The following IQCH variants were observed in gnomAD, a reference collection of about 807,000 sequenced individuals.
IQCH encodes the protein IQ domain-containing protein H.
Under a neutral mutation model 117.0 loss-of-function variants are expected in IQCH, and 98 were observed. The observed-to-expected ratio is 0.84, with a 90% CI of 0.71 to 0.99. The LOEUF (loss-of-function observed/expected upper bound fraction) is 0.99, where lower values mean the gene tolerates loss of function less well. Among genes scored for constraint, IQCH ranks in the 50% least tolerant of loss-of-function variants. The probability of loss-of-function intolerance (pLI) is 0.00; values close to 1 mark genes in which losing one functional copy is unlikely to be tolerated. For synonymous variants in IQCH, 412 were observed against 448.2 expected (o/e 0.92, Z 1.02); for missense variants, 1,102 against 1,243.8 (o/e 0.89, Z 1.72).
At chr15:67,309,988 A>C (rs1030779102) in intron 4 of IQCH, among the ~76,000 whole-genome samples, 2 of 151,302 alleles carry the variant, frequency 1.3e-5, no homozygotes, top group African/African-American at 4.9e-5. Context: ...TAAGGTTCTT[A>C]CCTTCCTGAA....
At chr15:67,353,335 CTTTATTTT>C (rs1969747074) in intron 6 of IQCH, among the ~76,000 whole-genome samples, 1 of 145,624 alleles carries the variant, frequency 6.9e-6, no homozygotes, top group Non-Finnish European at 1.5e-5. Flanking sequence ...AAATTGGCTT[CTTTATTTT>C]TTTATTTTAT....
chr15:67,485,594 A>T (rs2083451224), intron 18 of IQCH, among the ~76,000 whole-genome samples: 1 of 152,260 alleles, frequency 6.6e-6, no homozygotes, highest in African/African-American at 2.4e-5. Flanking sequence ...GATAAATATA[A>T]GGAAAATCAC....
chr15:67,352,671 T>C lies in IQCH; in HGVS notation c.638-4674T>C, dbSNP rs1022449980. On this transcript the variant is annotated intron_variant, in intron 6 of 20. Coordinates refer to ENST00000335894, the MANE Select transcript of IQCH (RefSeq NM_001031715.3). ...AGTCAGTGGTAGATAGTGGCTAAAA[T>C]TGTGGATGAAAACAATTTGTCTTTT... 2.6e-5 allele frequency among the ~76,000 whole-genome samples: 4 copies of C among 151,914 alleles called. No individual in the cohort carries two copies. The Admixed American group carries it at 2.6e-4, about 10-fold the overall frequency.
intron 3 of IQCH, among the ~76,000 whole-genome samples, chr15:67,267,964 T>G (rs1262714150): frequency 6.6e-6 from 1 of 152,182 alleles, no homozygotes; most frequent in East Asian, 1.9e-4. Flanking sequence ...AAGGACTTTC[T>G]TTAAACTTAC....
chr15:67,293,419 A>AGT (rs1966818784), intron 4 of IQCH, among the ~76,000 whole-genome samples: 1 of 152,196 alleles, frequency 6.6e-6, no homozygotes, highest in South Asian at 2.1e-4. Context: ...GATATAAAAT[A>AGT]GTGTAATATT....
intron 20 of IQCH, among the ~76,000 whole-genome samples, chr15:67,498,413 C>T (rs1035452492): frequency 5.9e-5 from 9 of 151,544 alleles, no homozygotes; most frequent in South Asian, 2.1e-4. Context: ...GTCAGGAGTT[C>T]GAGACCAGCC....
chr15:67,332,502 C>A (rs1244421213), intron 4 of IQCH, among the ~76,000 whole-genome samples: 1 of 152,028 alleles, frequency 6.6e-6, no homozygotes, highest in Non-Finnish European at 1.5e-5. Context: ...ACTTGATAAC[C>A]AAAGCTAGCC....
Position 67,391,839 on chromosome 15 carries a change from A to G in IQCH, c.1632+2833A>G, listed in dbSNP as rs1596302781. 6.6e-6 allele frequency among the ~76,000 whole-genome samples: 1 copy of G among 152,226 alleles called. No individual in the cohort carries two copies. The highest frequency in any genetic ancestry group is 1.9e-4 in the East Asian group (1 of 5,204). Reference sequence around the variant, plus strand: ...CCTGGAGTCTAGGGCATGCCCGCAGATGACTATAATACAGAGTTGGGTAGA... The same window carrying G: ...CCTGGAGTCTAGGGCATGCCCGCAGGTGACTATAATACAGAGTTGGGTAGA... On this transcript the variant is annotated intron_variant, in intron 12 of 20. Transcript: ENST00000335894. This position sits in a 1 kb window ranked among gnomAD's most constrained non-coding sequence, Gnocchi z 4.3.
At chr15:67,266,838 GA>G (rs1015267854) in intron 3 of IQCH, among the ~76,000 whole-genome samples, 2 of 151,686 alleles carry the variant, frequency 1.3e-5, no homozygotes, top group Non-Finnish European at 2.9e-5. Flanking sequence ...TAATATGGGT[GA>G]AAAAAAAGCT....
At chr15:67,255,404 A>G (rs988631493) in intron 1 of IQCH, 14 of 159,496 alleles carry the variant, frequency 8.8e-5, no homozygotes, top group African/African-American at 3.1e-4. Flanking sequence ...AATGTTCCTC[A>G]TTGGAGAACA....
intron 16 of IQCH, among the ~76,000 whole-genome samples, chr15:67,446,431 G>T (rs1420818883): frequency 6.6e-6 from 1 of 152,176 alleles, no homozygotes; most frequent in Admixed American, 6.5e-5. Context: ...GAAAGAGGGG[G>T]AAAAGAGGAA....
intron 15 of IQCH, among the ~76,000 whole-genome samples, chr15:67,418,884 G>A (rs2081649749): frequency 6.6e-6 from 1 of 151,390 alleles, no homozygotes. Context: ...AGCCTAATAA[G>A]GTTTTTTTTT....
intron 16 of IQCH, among the ~76,000 whole-genome samples, chr15:67,442,912 T>C (rs2082313536): frequency 6.7e-6 from 1 of 150,046 alleles, no homozygotes; most frequent in Non-Finnish European, 1.5e-5. Context: ...CATACACACA[T>C]ATATATGATG....
intron 4 of IQCH, among the ~76,000 whole-genome samples, chr15:67,304,810 A>C (rs2140541034): frequency 6.6e-6 from 1 of 152,254 alleles, no homozygotes; most frequent in Admixed American, 6.5e-5. Context: ...AGAAAAATCC[A>C]AATAAAACAA....
intron 10 of IQCH, among the ~76,000 whole-genome samples, chr15:67,377,298 TAAAG>T (rs961543142): frequency 9.2e-5 from 14 of 152,180 alleles, no homozygotes; most frequent in African/African-American, 2.4e-4. Flanking sequence ...TATAAGATGA[TAAAG>T]AAACATTTTT....
At chr15:67,378,658 T>C (rs986558332) in intron 10 of IQCH, among the ~76,000 whole-genome samples, 1 of 152,076 alleles carries the variant, frequency 6.6e-6, no homozygotes, top group African/African-American at 2.4e-5. Flanking sequence ...TCCCGTGATC[T>C]TATAATATGA....
chr15:67,492,738 C>T (rs1009049244), intron 19 of IQCH, among the ~76,000 whole-genome samples: 1 of 152,082 alleles, frequency 6.6e-6, no homozygotes, highest in Non-Finnish European at 1.5e-5. Context: ...GTAGTATCAC[C>T]CAGGCAGAGG....
chr15:67,410,300 A>G (rs2081416393), intron 14 of IQCH, among the ~76,000 whole-genome samples: 1 of 152,242 alleles, frequency 6.6e-6, no homozygotes, highest in Non-Finnish European at 1.5e-5. Context: ...TTATTATGTC[A>G]GCTAACTAAA....
At chr15:67,485,861 G>C (rs12899339) in intron 18 of IQCH, among the ~76,000 whole-genome samples, 2 of 151,726 alleles carry the variant, frequency 1.3e-5, no homozygotes, top group Non-Finnish European at 2.9e-5. Flanking sequence ...GTTTCACCGT[G>C]TTGGTCAGGA....
Sources: allele counts gnomAD v4.1 joint callset (sites outside exome capture counted in the v4.1 genomes callset), GRCh38; gene constraint gnomAD v4.1.1; non-coding constraint Gnocchi (gnomAD v3.1); transcripts MANE v1.5; gene names NCBI Gene and HGNC (gene_info 2026-07-23, HGNC 2026-07-21).